NAV2: variants seen among roughly 807,000 people sequenced by gnomAD.
NAV2 encodes the protein neuron navigator 2.
NAV2 carries 54 observed loss-of-function variants against 223.2 expected under a neutral mutation model. That is an observed-to-expected ratio of 0.24 (90% CI 0.19 to 0.30). The LOEUF (loss-of-function observed/expected upper bound fraction) is 0.30. NAV2 is among the 10% of genes least tolerant of loss of function. The pLI is 1.00. For missense variants in NAV2, 2,806 were observed against 3,147.5 expected (o/e 0.89, Z 2.60); for synonymous variants, 1,279 against 1,239.3 (o/e 1.03, Z -0.67).
chr11:19,569,826 T>C (rs1361525533), intron 1 of NAV2, among the ~76,000 whole-genome samples: 1 of 152,162 alleles, frequency 6.6e-6, no homozygotes, highest in Non-Finnish European at 1.5e-5. Flanking sequence ...AGTTATGAGA[T>C]GAAATGGCTC....
intron 8 of NAV2, 141 bp from the exon 9 acceptor site, chr11:19,946,260 A>T (rs1194549452): frequency 3.1e-6 from 2 of 637,598 alleles, no homozygotes; most frequent in Non-Finnish European, 5.1e-6. Flanking sequence ...TCATTCATTC[A>T]TTGTCAAATC....
chr11:19,506,904 G>A (rs2043138916), intron 1 of NAV2: 1 of 152,166 alleles, frequency 6.6e-6, no homozygotes, highest in South Asian at 2.1e-4. Flanking sequence ...TCAAGATGGG[G>A]CCAGCAGAGT....
intron 1 of NAV2, among the ~76,000 whole-genome samples, chr11:19,806,791 T>C (rs2058589858): frequency 6.6e-6 from 1 of 152,188 alleles, no homozygotes; most frequent in Non-Finnish European, 1.5e-5. Context: ...ACTCACCATA[T>C]AATAGATTTT....
chr11:19,596,460 C>T (rs2046208616), intron 1 of NAV2, among the ~76,000 whole-genome samples: 1 of 152,192 alleles, frequency 6.6e-6, no homozygotes, highest in South Asian at 2.1e-4. Flanking sequence ...TCATTTCCTT[C>T]CCCTGAGTCT....
chr11:19,830,196 G>T (rs1269574489), intron 1 of NAV2, among the ~76,000 whole-genome samples: 1 of 152,202 alleles, frequency 6.6e-6, no homozygotes, highest in African/African-American at 2.4e-5. Flanking sequence ...CTGCACTCCA[G>T]GCTGGGTGAC....
intron 1 of NAV2, among the ~76,000 whole-genome samples, chr11:19,421,370 A>G (rs1283928955): frequency 2.0e-5 from 3 of 152,114 alleles, no homozygotes; most frequent in Non-Finnish European, 2.9e-5. Flanking sequence ...GCATGCTCAC[A>G]TGTGTCCATG....
rs545806541 is a variant in NAV2 at position 19,630,737 on chromosome 11, G to A, written c.76-201747G>A. Among the ~76,000 whole-genome samples the A allele has an allele frequency of 3.9e-5, 6 of 152,052 alleles. No homozygotes were observed. In the East Asian group the frequency reaches 7.8e-4, roughly 20 times the overall value. On this transcript the variant is annotated intron_variant, in intron 1 of 37. Coordinates refer to the NAV2 transcript ENST00000360655. Reference sequence around the variant, plus strand: ...CAAAAAATATAAAAATTAGCTGGACGTGGTGGTGCATGCCTATAGTCCCAG... The same window carrying A: ...CAAAAAATATAAAAATTAGCTGGACATGGTGGTGCATGCCTATAGTCCCAG...
intron 6 of NAV2, among the ~76,000 whole-genome samples, chr11:19,924,348 T>C (rs1355446235): frequency 6.8e-6 from 1 of 146,138 alleles, no homozygotes; most frequent in African/African-American, 2.6e-5. Flanking sequence ...AGCAGACAAA[T>C]GAATTACCTC....
At chr11:20,103,163 A>C (rs1209804114) in intron 32 of NAV2, 92 bp from the exon 33 acceptor site, 41 of 1,270,088 alleles carry the variant, frequency 3.2e-5, no homozygotes, top group Non-Finnish European at 4.2e-5. Flanking sequence ...TTCTGCCTCC[A>C]CTGGCCTGGG....
chr11:19,686,905 G>T (rs1217961013), intron 1 of NAV2, among the ~76,000 whole-genome samples: 1 of 152,212 alleles, frequency 6.6e-6, no homozygotes, highest in African/African-American at 2.4e-5. Context: ...TGCAGTACAG[G>T]TAATTCCCAC....
intron 1 of NAV2, among the ~76,000 whole-genome samples, chr11:19,451,205 G>C (rs1176674365): frequency 6.6e-6 from 1 of 151,972 alleles, no homozygotes; most frequent in African/African-American, 2.4e-5. Flanking sequence ...CCATCTCCCC[G>C]TTGTTCCAAA....
chr11:19,711,394 T>C (rs2049868323), upstream of NAV2: 1 of 152,200 alleles, frequency 6.6e-6, no homozygotes, highest in African/African-American at 2.4e-5. Flanking sequence ...CTCTTCCTGG[T>C]CCACAGAAGA....
At chr11:19,793,206 CAAAA>C (rs557365857) in intron 1 of NAV2, among the ~76,000 whole-genome samples, 26 of 58,270 alleles carry the variant, frequency 4.5e-4, no homozygotes, top group Admixed American at 7.3e-4. Context: ...CACTCTGTCT[CAAAA>C]AAAAAAAAAA....
intron 1 of NAV2, among the ~76,000 whole-genome samples, chr11:19,374,605 A>G (rs1424390752): frequency 6.6e-6 from 1 of 152,264 alleles, no homozygotes; most frequent in Non-Finnish European, 1.5e-5. Context: ...CACAATAGGA[A>G]GAAACACCAA....
At chr11:20,021,352 T>A (rs2054490829) in intron 11 of NAV2, among the ~76,000 whole-genome samples, 1 of 152,188 alleles carries the variant, frequency 6.6e-6, no homozygotes, top group South Asian at 2.1e-4. Flanking sequence ...ACATCAACAT[T>A]TCCTAGCTTA....
At chr11:19,881,042 C>A (rs1446495835) in intron 5 of NAV2, among the ~76,000 whole-genome samples, 3 of 152,156 alleles carry the variant, frequency 2.0e-5, no homozygotes, top group African/African-American at 7.2e-5. Flanking sequence ...CCCCAAAGCA[C>A]CAGCATTAAT....
At chr11:19,556,692 A>G (rs1465203073) in intron 1 of NAV2, among the ~76,000 whole-genome samples, 1 of 152,232 alleles carries the variant, frequency 6.6e-6, no homozygotes, top group Non-Finnish European at 1.5e-5. Flanking sequence ...AGATCAAATA[A>G]TTACTATACC....
chr11:19,911,808 GT>G (rs2043339019), intron 6 of NAV2, among the ~76,000 whole-genome samples: 1 of 152,162 alleles, frequency 6.6e-6, no homozygotes, highest in East Asian at 1.9e-4. Context: ...TAATAACTTG[GT>G]TGACTTACAG....
chr11:19,445,304 G>A (rs972397777), intron 1 of NAV2, among the ~76,000 whole-genome samples: 2 of 152,138 alleles, frequency 1.3e-5, no homozygotes, highest in African/African-American at 4.8e-5. Context: ...GGCCAACAAA[G>A]ATCAGAATAC....
Sources: allele counts gnomAD v4.1 joint callset (sites outside exome capture counted in the v4.1 genomes callset), GRCh38; gene constraint gnomAD v4.1.1; transcripts MANE v1.5; gene names NCBI Gene and HGNC (gene_info 2026-07-23, HGNC 2026-07-21).